TEKT5: variants seen among roughly 807,000 people sequenced by gnomAD.
TEKT5 encodes the protein tektin 5, also known as tektin-5.
A neutral mutation model predicts 48.7 loss-of-function variants in TEKT5; 52 were observed. That is an observed-to-expected ratio of 1.07 (90% CI 0.86 to 1.35). The LOEUF (loss-of-function observed/expected upper bound fraction) is 1.35, where lower values mean the gene tolerates loss of function less well. Ranked by LOEUF, TEKT5 falls within the 40% of genes most tolerant of loss-of-function variation. The pLI is 0.00. For missense variants in TEKT5, 831 were observed against 641.6 expected, an observed-to-expected ratio of 1.30 and a Z score of -3.19; for synonymous variants, 318 against 267.6, an observed-to-expected ratio of 1.19 and a Z score of -1.84.
chr16:10,659,915 G>A lies in TEKT5; in HGVS notation c.1086+16044C>T, dbSNP rs557816898. Among the ~76,000 whole-genome samples the A allele has an allele frequency of 1.1e-3, 160 of 152,192 alleles. 1 individual carries two copies. Among genetic ancestry groups the A allele is most frequent in the Non-Finnish European group, 1.9e-3 (126 of 68,012 alleles). On this transcript the variant is annotated intron_variant, in intron 5 of 6. Coordinates refer to ENST00000283025, the MANE Select transcript of TEKT5 (RefSeq NM_144674.2). ...AATATTATCAATATTAAATGGCAGT[G>A]AATTGTTCACTTTAAAGTAGTTAAT...
intron 5 of TEKT5, among the ~76,000 whole-genome samples, chr16:10,656,531 G>A (rs1278438383): frequency 2.6e-5 from 4 of 152,044 alleles, no homozygotes; most frequent in Admixed American, 6.6e-5. Flanking sequence ...GAGATGACAG[G>A]TGTGAGCCAC....
intron 5 of TEKT5, among the ~76,000 whole-genome samples, chr16:10,643,553 C>G (rs1167146933): frequency 1.3e-5 from 2 of 152,056 alleles, no homozygotes; most frequent in Admixed American, 6.6e-5. Flanking sequence ...GCTGTTAAGC[C>G]CTTGAATGTG....
intron 2 of TEKT5, 124 bp from the exon 3 acceptor site, chr16:10,689,447 G>A: frequency 3.7e-6 from 3 of 820,296 alleles, no homozygotes; most frequent in Non-Finnish European, 3.8e-6. Context: ...GAGGTGAAAT[G>A]TCAGCGTGGG....
In TEKT5 at chr16:10,631,000, G is replaced by A. The variant is rs190363388; in HGVS notation, c.1242-3201C>T. ...GAAGTGGCAGATCACTTGAGGTAGA[G>A]AGTTTGAGACCAGCCTGGCCAACAT... On this transcript the variant is annotated intron_variant, in intron 6 of 6. Transcript: ENST00000283025. Among the ~76,000 whole-genome samples, 956 of 152,124 alleles carry A rather than the reference G, an allele frequency of 6.3e-3. 6 individuals are homozygous for A. Among genetic ancestry groups the A allele is most frequent in the Middle Eastern group, 0.014 (4 of 294 alleles).
At chr16:10,665,690 C>T (rs1327857320) in intron 5 of TEKT5, among the ~76,000 whole-genome samples, 1 of 152,200 alleles carries the variant, frequency 6.6e-6, no homozygotes, top group Non-Finnish European at 1.5e-5. Flanking sequence ...CATGTCTGAA[C>T]TCCCAGGGAC....
intron 5 of TEKT5, among the ~76,000 whole-genome samples, chr16:10,655,316 C>G (rs1898242863): frequency 6.6e-6 from 1 of 152,150 alleles, no homozygotes; most frequent in Non-Finnish European, 1.5e-5. Flanking sequence ...AAAAGTAGGA[C>G]TTCAGAACCC....
At chr16:10,668,368 G>A (rs1420378743) in intron 5 of TEKT5, among the ~76,000 whole-genome samples, 1 of 152,212 alleles carries the variant, frequency 6.6e-6, no homozygotes, top group Non-Finnish European at 1.5e-5. Flanking sequence ...CTGGGATGCA[G>A]TGGTGTCTCA....
intron 5 of TEKT5, among the ~76,000 whole-genome samples, chr16:10,643,872 C>G (rs1229571803): frequency 6.6e-6 from 1 of 151,998 alleles, no homozygotes; most frequent in Non-Finnish European, 1.5e-5. Flanking sequence ...ACCCCCGTCT[C>G]TACTAAAAAT....
chr16:10,677,444 TACTAAAA>T (rs1898668267), intron 4 of TEKT5, among the ~76,000 whole-genome samples: 1 of 146,530 alleles, frequency 6.8e-6, no homozygotes, highest in Non-Finnish European at 1.5e-5. Flanking sequence ...ATCCCGTCTC[TACTAAAA>T]ATATAAAAAT....
In TEKT5 at chr16:10,681,975, G is replaced by C. The variant is rs373805954; in HGVS notation, c.863+18C>G. 1.2e-6 allele frequency: 2 copies of C among 1,612,520 alleles called. No individual in the cohort carries two copies. The highest frequency in any genetic ancestry group is 1.7e-6 in the Non-Finnish European group (2 of 1,178,884). On this transcript the variant is annotated intron_variant, in intron 4 of 6. Transcript: ENST00000283025. ...AGTTGGACACGCCAGGGATGGGGAG[G>C]GGGAGTCTGATACTTACGTGCCGTC...
chr16:10,642,056 G>T (rs993330211), intron 5 of TEKT5, among the ~76,000 whole-genome samples: 2 of 152,234 alleles, frequency 1.3e-5, no homozygotes, highest in African/African-American at 2.4e-5. Flanking sequence ...CAGAGCTACT[G>T]ATATTCACCC....
intron 5 of TEKT5, among the ~76,000 whole-genome samples, chr16:10,658,394 C>A (rs1277182996): frequency 6.6e-6 from 1 of 152,194 alleles, no homozygotes; most frequent in South Asian, 2.1e-4. Flanking sequence ...CCACAATAGA[C>A]CACTATCCAG....
At chr16:10,628,071 C>G (rs1405070260) in intron 6 of TEKT5, among the ~76,000 whole-genome samples, 2 of 151,998 alleles carry the variant, frequency 1.3e-5, no homozygotes, top group African/African-American at 4.8e-5. Flanking sequence ...GTCAAGAACT[C>G]CTGACCTCAG....
chr16:10,662,255 C>G (rs751919575), intron 5 of TEKT5, among the ~76,000 whole-genome samples: 1 of 152,216 alleles, frequency 6.6e-6, no homozygotes, highest in Non-Finnish European at 1.5e-5. Context: ...CCAAATGCCC[C>G]TGGGGGAAAT....
In TEKT5 at chr16:10,694,524, T is replaced by C; in HGVS notation, c.350A>G (p.Asp117Gly). 1 of 1,609,190 alleles carries C rather than the reference T, an allele frequency of 6.2e-7. No homozygotes were observed. Among genetic ancestry groups the C allele is most frequent in the Non-Finnish European group, 8.5e-7 (1 of 1,177,454 alleles). The change falls in exon 1 of 7, where the codon GAT becomes GGT. Residue 117 changes from aspartate to glycine, a missense_variant. Transcript: ENST00000283025. The stretch of plus-strand genomic sequence containing the variant: ...GTCCTGCAAGAGCCTCATGGAGTCA[T>C]CCGTCAGCCGGCTGGCCCACAGCCG... ...ASRLWASRLTDDSMRLLQDKD... is the reference protein window; with the variant it reads ...ASRLWASRLTGDSMRLLQDKD...
At chr16:10,632,730 G>C (rs1038800719) in intron 6 of TEKT5, among the ~76,000 whole-genome samples, 3 of 152,136 alleles carry the variant, frequency 2.0e-5, no homozygotes, top group African/African-American at 4.8e-5. Context: ...GGCAGGAATG[G>C]AGAGGACGGG....
chr16:10,649,996 C>T (rs945473341), intron 5 of TEKT5, among the ~76,000 whole-genome samples: 1 of 152,132 alleles, frequency 6.6e-6, no homozygotes, highest in Non-Finnish European at 1.5e-5. Context: ...TCTCCACCAC[C>T]CCCAACCCCG....
At chr16:10,663,040 C>T (rs1898401364) in intron 5 of TEKT5, among the ~76,000 whole-genome samples, 1 of 152,184 alleles carries the variant, frequency 6.6e-6, no homozygotes, top group South Asian at 2.1e-4. Flanking sequence ...CCACTCCATC[C>T]ACCCACTCAC....
At chr16:10,684,260 T>C (rs549357264) in intron 3 of TEKT5, among the ~76,000 whole-genome samples, 44 of 152,282 alleles carry the variant, frequency 2.9e-4, no homozygotes, top group African/African-American at 1.0e-3. Flanking sequence ...CTGTTCTCTA[T>C]CTGTCTCTCT....
Sources: allele counts gnomAD v4.1 joint callset (sites outside exome capture counted in the v4.1 genomes callset), GRCh38; gene constraint gnomAD v4.1.1; transcripts MANE v1.5; gene names NCBI Gene and HGNC (gene_info 2026-07-23, HGNC 2026-07-21).